TOMM34: variants seen among roughly 807,000 people sequenced by gnomAD.
TOMM34 encodes mitochondrial import receptor subunit TOM34.
Under a neutral mutation model 37.4 loss-of-function variants are expected in TOMM34, and 24 were observed. That is an observed-to-expected ratio of 0.64 (90% confidence interval 0.46 to 0.90). The LOEUF is 0.90. Ranked by LOEUF, TOMM34 falls within the 40% of genes least tolerant of loss-of-function variation. The pLI, the probability that TOMM34 is intolerant of heterozygous loss-of-function variation, is 0.00. For missense variants in TOMM34, 304 were observed against 375.6 expected (o/e 0.81, Z 1.58); for synonymous variants, 154 against 148.9 (o/e 1.03, Z -0.25).
Position 44,955,221 on chromosome 20 carries a change from C to T in TOMM34, c.228-1G>A. The T allele has an allele frequency of 6.2e-7, 1 of 1,612,404 alleles. No individual in the cohort carries two copies. Among genetic ancestry groups the T allele is most frequent in the Middle Eastern group, 1.7e-4 (1 of 6,034 alleles). ...GCTGAAGGGAACCAAGGCCAGTGCT[C>T]TAGAATAGGAGGCAAAAATGTCAAC... On this transcript the variant is annotated splice_acceptor_variant, in intron 2 of 6. Coordinates refer to ENST00000372813, the MANE Select transcript of TOMM34 (RefSeq NM_006809.5). LOFTEE classifies it high-confidence loss of function.
chr20:44,948,492 A>T (rs1294336630), intron 5 of TOMM34, among the ~76,000 whole-genome samples: 1 of 152,200 alleles, frequency 6.6e-6, no homozygotes, highest in Non-Finnish European at 1.5e-5. Context: ...TTGCATGCTT[A>T]TGAAAATTCT....
rs1039834406 is a variant in TOMM34 at position 44,955,497 on chromosome 20, G to A, written c.228-277C>T. On this transcript the variant is annotated intron_variant, in intron 2 of 6. Transcript: ENST00000372813. ...AGTTCCCCCAAAATCAAGAACAAAA[G>A]CCTCATGGCTTTCATGCTACTATGT... The A allele has an allele frequency of 6.6e-4, 375 of 564,962 alleles. 7 individuals carry two copies. The Admixed American group carries it at 8.0e-3, about 12-fold the overall frequency. The allele number at this position is 564,962 out of a possible 1,614,324, so 35.0% of individuals were successfully genotyped here.
chr20:44,953,404 G>A (rs1392667073), intron 3 of TOMM34, among the ~76,000 whole-genome samples: 1 of 152,128 alleles, frequency 6.6e-6, no homozygotes, highest in African/African-American at 2.4e-5. Context: ...CTTCCCTTGG[G>A]ACATCAATGC....
At chr20:44,956,928 A>G (rs960186944) in intron 1 of TOMM34, among the ~76,000 whole-genome samples, 5 of 152,052 alleles carry the variant, frequency 3.3e-5, no homozygotes, top group Non-Finnish European at 7.4e-5. Flanking sequence ...TGATAAACGT[A>G]TGATAAATGG....
chr20:44,952,662 C>T lies in TOMM34; in HGVS notation c.381-660G>A, dbSNP rs760919515. On this transcript the variant is annotated intron_variant, in intron 3 of 6. Coordinates refer to ENST00000372813, the MANE Select transcript of TOMM34 (RefSeq NM_006809.5). ...CTTTAGATTTCAGCTTAAAATGCCA[C>T]CCAGAGACCAAGTTCATTCTGTCAA... The T allele has an allele frequency of 7.0e-6, 5 of 717,484 alleles. No homozygotes were observed. In the South Asian group the frequency reaches 7.4e-5, roughly 11 times the overall value. The allele number at this position is 717,484 out of a possible 1,614,324, so 44.4% of individuals were successfully genotyped here. A position where few individuals can be genotyped will look rare whatever the true frequency, so the allele number is the denominator to read the frequency against.
rs2066954417 is a variant in TOMM34, at chr20:44,943,549, G to A, written c.729C>T (p.Tyr243=). 1.2e-6 allele frequency: 2 copies of A among 1,614,042 alleles called. No homozygotes were observed. The highest frequency in any genetic ancestry group is 3.3e-5 in the Admixed American group (2 of 60,004). Residue 243 remains tyrosine, a synonymous_variant, in exon 6 of 7, where the codon TAC becomes TAT. Coordinates refer to ENST00000372813, the MANE Select transcript of TOMM34 (RefSeq NM_006809.5). The part of the protein sequence containing the change: ...RALCYLVLKQ[Y]TEAVKDCTEA... ...CTGTGCAGTCCTTCACTGCTTCTGT[G>A]TACTGCTTCAGGACCAAATAGCAGA...
intron 1 of TOMM34, among the ~76,000 whole-genome samples, chr20:44,956,724 A>G (rs964263052): frequency 6.6e-6 from 1 of 152,208 alleles, no homozygotes; most frequent in African/African-American, 2.4e-5. Context: ...TCATTCCAGC[A>G]CTGAACTTGA....
chr20:44,952,620 G>C (rs1279633940), intron 3 of TOMM34: 1 of 717,308 alleles, frequency 1.4e-6, no homozygotes, highest in African/African-American at 1.7e-5. Context: ...TCCAGGCCCG[G>C]CTAACTCCAA....
chr20:44,951,773 A>G (rs2067028255), intron 4 of TOMM34, 60 bp downstream of exon 4: 13 of 1,554,838 alleles, frequency 8.4e-6, no homozygotes, highest in Non-Finnish European at 1.1e-5. Flanking sequence ...TTGCAGGACT[A>G]CTCTAAAGAA....
intron 5 of TOMM34, 90 bp from the exon 6 acceptor site, chr20:44,943,669 G>A (rs2066955683): frequency 6.4e-7 from 1 of 1,568,542 alleles, no homozygotes; most frequent in Non-Finnish European, 8.7e-7. Context: ...TCTCCAATTT[G>A]CTGAACACCT....
chr20:44,958,144 A>ATGTATATGTATATATG (rs60792281), intron 1 of TOMM34, among the ~76,000 whole-genome samples: 1 of 146,918 alleles, frequency 6.8e-6, no homozygotes, highest in Non-Finnish European at 1.5e-5. Context: ...ATGTATATAT[A>ATGTATATGTATATATG]TGTGTGTGTG....
In TOMM34 at chr20:44,948,309, TTAC is replaced by T. The variant is rs530929018; in HGVS notation, c.698+418_698+420del. Among the ~76,000 whole-genome samples the T allele has an allele frequency of 4.6e-5, 7 of 152,254 alleles. No homozygotes were observed. The East Asian group carries it at 1.4e-3, about 29-fold the overall frequency. Reference sequence around the variant, plus strand: ...TTCCTGCTCTCATGCCAGGCAATGGTTACTTCACATTTTGGCTTCTGGGCCAGT... The same window carrying T: ...TTCCTGCTCTCATGCCAGGCAATGGTTTCACATTTTGGCTTCTGGGCCAGT... On this transcript the variant is annotated intron_variant, in intron 5 of 6. Transcript: ENST00000372813.
chr20:44,952,091 T>G (rs986202210), intron 3 of TOMM34, 89 bp from the exon 4 acceptor site: 5 of 1,471,102 alleles, frequency 3.4e-6, no homozygotes, highest in Non-Finnish European at 3.6e-6. Flanking sequence ...GTAGGCCTTT[T>G]CAGAAGAGCC....
intron 4 of TOMM34, among the ~76,000 whole-genome samples, chr20:44,951,018 A>G (rs912010894): frequency 1.6e-4 from 25 of 152,172 alleles, no homozygotes; most frequent in Admixed American, 1.6e-3. Flanking sequence ...CACAGTGTAC[A>G]TGCTCCTGGG....
chr20:44,956,900 G>A (rs985766797), intron 1 of TOMM34, among the ~76,000 whole-genome samples: 6 of 151,736 alleles, frequency 4.0e-5, no homozygotes, highest in Admixed American at 6.6e-5. Context: ...AAGAAAGGGA[G>A]GGAGGGAGGG....
At chr20:44,956,360 T>C in intron 2 of TOMM34, 26 bp downstream of exon 2, 3 of 1,612,172 alleles carry the variant, frequency 1.9e-6, no homozygotes, top group Non-Finnish European at 2.5e-6. Flanking sequence ...CCCTCAGGCA[T>C]CCCAAAATTA....
At chr20:44,952,724 C>T in intron 3 of TOMM34, 1 of 716,014 alleles carries the variant, frequency 1.4e-6, no homozygotes, top group Non-Finnish European at 2.6e-6. Context: ...CTAGCAACCA[C>T]CAAGGCCCAA....
intron 3 of TOMM34, among the ~76,000 whole-genome samples, chr20:44,953,407 A>C (rs553413327): frequency 2.8e-4 from 43 of 152,312 alleles, no homozygotes; most frequent in Non-Finnish European, 4.3e-4. Context: ...CCCTTGGGAC[A>C]TCAATGCCCT....
At chr20:44,958,720 C>G (rs2067098958) in intron 1 of TOMM34, 1 of 166,650 alleles carries the variant, frequency 6.0e-6, no homozygotes, top group African/African-American at 2.4e-5. Context: ...GCTAGCTTTT[C>G]TATGGACCCA....
Sources: allele counts gnomAD v4.1 joint callset (sites outside exome capture counted in the v4.1 genomes callset), GRCh38; gene constraint gnomAD v4.1.1; transcripts MANE v1.5; gene names NCBI Gene and HGNC (gene_info 2026-07-23, HGNC 2026-07-21).